GMDS: variants seen among roughly 807,000 people sequenced by gnomAD.
The protein encoded by GMDS is GDP-mannose 4,6 dehydratase.
GMDS carries 20 observed loss-of-function variants against 49.9 expected under a neutral mutation model. The observed-to-expected ratio is 0.40, with a 90% CI of 0.28 to 0.58. The LOEUF (loss-of-function observed/expected upper bound fraction) is 0.58, where lower values mean the gene tolerates loss of function less well. Among genes scored for constraint, GMDS ranks in the 20% least tolerant of loss-of-function variants. GMDS has a pLI of 0.42. For synonymous variants in GMDS, 177 were observed against 178.6 expected (o/e 0.99, Z 0.07); for missense variants, 362 against 481.4 (o/e 0.75, Z 2.32).
chr6:2,208,413 A>G lies in GMDS; in HGVS notation c.102+36908T>C, dbSNP rs555304680. 6.6e-5 allele frequency among the ~76,000 whole-genome samples: 10 copies of G among 152,228 alleles called. No homozygotes were observed. The South Asian group carries it at 1.4e-3, about 22-fold the overall frequency. On this transcript the variant is annotated intron_variant, in intron 1 of 10. Transcript: ENST00000380815. Reference sequence around the variant, plus strand: ...CAAAGAAAGGCTAAGCAACTCACCTAAGGATAAATATCAAATCATAGCAAA... The same window carrying G: ...CAAAGAAAGGCTAAGCAACTCACCTGAGGATAAATATCAAATCATAGCAAA...
intron 7 of GMDS, among the ~76,000 whole-genome samples, chr6:1,777,653 A>G (rs1768894241): frequency 6.6e-6 from 1 of 152,244 alleles, no homozygotes; most frequent in Non-Finnish European, 1.5e-5. Context: ...AATTATGTGC[A>G]TTCAGCAGGC....
At chr6:1,757,054 C>A (rs1172737979) in intron 7 of GMDS, among the ~76,000 whole-genome samples, 1 of 152,174 alleles carries the variant, frequency 6.6e-6, no homozygotes, top group Non-Finnish European at 1.5e-5. Context: ...AAAGAGCTAT[C>A]TTGTGATAAC....
chr6:1,867,221 C>T (rs1390823635), intron 7 of GMDS, among the ~76,000 whole-genome samples: 1 of 152,174 alleles, frequency 6.6e-6, no homozygotes, highest in African/African-American at 2.4e-5. Context: ...TCACATACTG[C>T]ATATTCTTAT....
chr6:2,020,666 T>A (rs1340349153), intron 4 of GMDS, among the ~76,000 whole-genome samples: 1 of 151,672 alleles, frequency 6.6e-6, no homozygotes, highest in Admixed American at 6.6e-5. Context: ...CAAAAAAAAA[T>A]GCTTACTGAA....
At chr6:1,963,420 G>C (rs1321410118) in intron 4 of GMDS, among the ~76,000 whole-genome samples, 2 of 152,068 alleles carry the variant, frequency 1.3e-5, no homozygotes, top group African/African-American at 4.8e-5. Flanking sequence ...TTTTTCTTTT[G>C]TTGTGTGTGC....
intron 1 of GMDS, among the ~76,000 whole-genome samples, chr6:2,231,126 T>C (rs911242063): frequency 1.3e-5 from 2 of 151,836 alleles, no homozygotes; most frequent in Non-Finnish European, 2.9e-5. Flanking sequence ...AAGTTAAACC[T>C]GAAACAACAC....
intron 6 of GMDS, among the ~76,000 whole-genome samples, chr6:1,955,330 C>G (rs924516330): frequency 1.3e-5 from 2 of 152,058 alleles, no homozygotes; most frequent in Non-Finnish European, 2.9e-5. Flanking sequence ...TGATTGCCTA[C>G]TTTTTTATTT....
At chr6:1,930,460 G>A (rs930721330) in intron 6 of GMDS, 6 of 396,882 alleles carry the variant, frequency 1.5e-5, no homozygotes, top group African/African-American at 1.0e-4. Context: ...CAGAACAAAC[G>A]TTTTTCTTTG....
At chr6:1,952,298 G>A (rs1763381707) in intron 6 of GMDS, among the ~76,000 whole-genome samples, 1 of 152,062 alleles carries the variant, frequency 6.6e-6, no homozygotes, top group African/African-American at 2.4e-5. Context: ...AAAAAATAGA[G>A]AAAAATAGAA....
intron 7 of GMDS, among the ~76,000 whole-genome samples, chr6:1,856,858 G>A (rs1757958032): frequency 6.6e-6 from 1 of 152,168 alleles, no homozygotes; most frequent in African/African-American, 2.4e-5. Flanking sequence ...CCATCTTGGA[G>A]GTGAGAGGCA....
intron 1 of GMDS, among the ~76,000 whole-genome samples, chr6:2,151,340 TTTTTA>T (rs1053960706): frequency 6.6e-6 from 1 of 152,194 alleles, no homozygotes; most frequent in East Asian, 1.9e-4. Context: ...TAAAACAATT[TTTTTA>T]TTTTATTTTC....
chr6:1,685,484 GTTTT>G (rs959799014), intron 9 of GMDS, among the ~76,000 whole-genome samples: 1 of 151,200 alleles, frequency 6.6e-6, no homozygotes, highest in Non-Finnish European at 1.5e-5. Flanking sequence ...TTTAGTAAGG[GTTTT>G]TTTTTAATTA....
intron 4 of GMDS, among the ~76,000 whole-genome samples, chr6:2,010,205 T>C (rs1767466056): frequency 6.6e-6 from 1 of 151,718 alleles, no homozygotes; most frequent in Non-Finnish European, 1.5e-5. Flanking sequence ...TGGTCACCTG[T>C]AGTCCCAGCT....
chr6:1,723,195 C>T (rs115085903), intron 9 of GMDS, among the ~76,000 whole-genome samples: 3 of 151,934 alleles, frequency 2.0e-5, no homozygotes, highest in Admixed American at 2.0e-4. Flanking sequence ...GAGCAAAGGG[C>T]CATTTTTGAG....
At chr6:2,122,119 C>T (rs1775170267) in intron 2 of GMDS, among the ~76,000 whole-genome samples, 1 of 152,160 alleles carries the variant, frequency 6.6e-6, no homozygotes. Flanking sequence ...AATATGGCAA[C>T]CCAGAGAAGC....
At chr6:2,010,676 C>T (rs1199855647) in intron 4 of GMDS, among the ~76,000 whole-genome samples, 4 of 152,094 alleles carry the variant, frequency 2.6e-5, no homozygotes, top group African/African-American at 9.7e-5. Flanking sequence ...CAAATAAAAA[C>T]TTCCATCTAT....
At chr6:1,809,103 G>A (rs1335712932) in intron 7 of GMDS, among the ~76,000 whole-genome samples, 1 of 152,144 alleles carries the variant, frequency 6.6e-6, no homozygotes, top group Non-Finnish European at 1.5e-5. Flanking sequence ...TTTACTAAAT[G>A]TCATATCTAA....
At chr6:2,239,869 G>C (rs1781532479) in intron 1 of GMDS, among the ~76,000 whole-genome samples, 1 of 152,010 alleles carries the variant, frequency 6.6e-6, no homozygotes, top group Non-Finnish European at 1.5e-5. Context: ...TGTATTTTTA[G>C]TAGAGACAGG....
intron 7 of GMDS, among the ~76,000 whole-genome samples, chr6:1,915,004 C>T (rs892962058): frequency 2.0e-5 from 3 of 152,228 alleles, no homozygotes; most frequent in African/African-American, 7.2e-5. Context: ...CCATTGCCCA[C>T]CCTGGGCTCC....
Sources: gnomAD v4.1 joint callset for allele counts (sites outside exome capture counted in the v4.1 genomes callset) on GRCh38, gnomAD v4.1.1 for gene constraint, MANE v1.5 for transcripts, NCBI Gene and HGNC (gene_info 2026-07-23, HGNC 2026-07-21) for gene names.